Variants in BAZ2B observed in about 807,000 individuals in gnomAD.
BAZ2B encodes the protein bromodomain adjacent to zinc finger domain 2B.
BAZ2B carries 91 observed loss-of-function variants against 246.0 expected under a neutral mutation model. The ratio of observed to expected loss-of-function variants is 0.37; its 90% CI spans 0.31 to 0.44. The LOEUF (loss-of-function observed/expected upper bound fraction) is 0.44, where lower values mean the gene tolerates loss of function less well. Among genes scored for constraint, BAZ2B ranks in the 20% least tolerant of loss-of-function variants. The probability of loss-of-function intolerance (pLI) is 1.00; values close to 1 mark genes in which losing one functional copy is unlikely to be tolerated. For missense variants in BAZ2B, 2,332 were observed against 2,533.7 expected (o/e 0.92, Z 1.71); for synonymous variants, 855 against 860.0 (o/e 0.99, Z 0.10).
At chr2:159,349,358 T>C (rs1442301830) in intron 28 of BAZ2B, 78 bp from the exon 29 acceptor site, 2 of 1,386,006 alleles carry the variant, frequency 1.4e-6, no homozygotes, top group African/African-American at 1.5e-5. Flanking sequence ...TATGAAATTA[T>C]TTTTCAAATT....
At chr2:159,565,273 T>G (rs2090269568) in intron 1 of BAZ2B, among the ~76,000 whole-genome samples, 1 of 152,136 alleles carries the variant, frequency 6.6e-6, no homozygotes, top group Non-Finnish European at 1.5e-5. Flanking sequence ...GATGAGGATA[T>G]GAAAGCAGCA....
At chr2:159,505,616 T>C (rs2082252216) in intron 2 of BAZ2B, among the ~76,000 whole-genome samples, 1 of 151,938 alleles carries the variant, frequency 6.6e-6, no homozygotes, top group Admixed American at 6.6e-5. Context: ...CAAACAAAAA[T>C]TTAAAAAGAA....
At chr2:159,687,386 C>T in the BAZ2B span, among the ~76,000 whole-genome samples, 82 of 152,292 alleles carry the variant, frequency 5.4e-4, no homozygotes, top group African/African-American at 1.9e-3. Flanking sequence ...CAATCCTTTC[C>T]CCAGACCTCT....
chr2:159,551,803 AT>A (rs1260173818), intron 2 of BAZ2B, among the ~76,000 whole-genome samples: 1 of 152,234 alleles, frequency 6.6e-6, no homozygotes, highest in Non-Finnish European at 1.5e-5. Context: ...AAATCATGTA[AT>A]TTTAGACAAG....
intron 1 of BAZ2B, among the ~76,000 whole-genome samples, chr2:159,561,085 G>A (rs1327772771): frequency 1.3e-5 from 2 of 152,100 alleles, no homozygotes; most frequent in East Asian, 3.9e-4. Flanking sequence ...CTATGATTTG[G>A]ATATGGTTTG....
At chr2:159,421,181 T>G (rs563563149) in intron 13 of BAZ2B, among the ~76,000 whole-genome samples, 3 of 152,066 alleles carry the variant, frequency 2.0e-5, no homozygotes, top group Admixed American at 1.3e-4. Flanking sequence ...TACATTTTTT[T>G]TTTTTTAATT....
At chr2:159,611,248 T>C (rs893111205) in intron 1 of BAZ2B, among the ~76,000 whole-genome samples, 15 of 151,860 alleles carry the variant, frequency 9.9e-5, no homozygotes, top group Non-Finnish European at 1.5e-4. Flanking sequence ...TCTCTAAAGA[T>C]AAACTAAGCA....
intron 6 of BAZ2B, among the ~76,000 whole-genome samples, chr2:159,439,480 T>C (rs905088398): frequency 4.0e-5 from 6 of 150,970 alleles, no homozygotes; most frequent in African/African-American, 1.5e-4. Context: ...CATATGACTG[T>C]TATTCTTCAA....
chr2:159,541,219 C>G (rs2151384246), intron 2 of BAZ2B, among the ~76,000 whole-genome samples: 1 of 151,958 alleles, frequency 6.6e-6, no homozygotes, highest in African/African-American at 2.4e-5. Context: ...AAACATACTT[C>G]AAACATTTCC....
chr2:159,617,472 A>AT (rs78643237), upstream of BAZ2B, among the ~76,000 whole-genome samples: 145 of 147,956 alleles, frequency 9.8e-4, no homozygotes, highest in Non-Finnish European at 1.4e-3. Context: ...GAAGATACGT[A>AT]TTTTTTTTTT....
chr2:159,639,594 A>G, the BAZ2B span, among the ~76,000 whole-genome samples: 1 of 152,168 alleles, frequency 6.6e-6, no homozygotes, highest in Non-Finnish European at 1.5e-5. Context: ...TTGTTTGTTT[A>G]TGCAAGCAGT....
At chr2:159,573,208 A>C (rs563826978) in intron 1 of BAZ2B, among the ~76,000 whole-genome samples, 1 of 152,322 alleles carries the variant, frequency 6.6e-6, no homozygotes, top group African/African-American at 2.4e-5. Context: ...TTGCCAAAAT[A>C]ATCTTGAAAA....
At chr2:159,532,158 A>G (rs1400834730) in intron 2 of BAZ2B, among the ~76,000 whole-genome samples, 1 of 152,202 alleles carries the variant, frequency 6.6e-6, no homozygotes, top group Non-Finnish European at 1.5e-5. Flanking sequence ...AATATTGATA[A>G]CATTTCTAGT....
intron 33 of BAZ2B, among the ~76,000 whole-genome samples, chr2:159,334,080 C>T (rs987754863): frequency 6.6e-6 from 1 of 152,048 alleles, no homozygotes; most frequent in Non-Finnish European, 1.5e-5. Flanking sequence ...ATGTATATCC[C>T]TGTAACAACA....
chr2:159,428,269 T>C, intron 12 of BAZ2B, 42 bp downstream of exon 12: 1 of 1,519,628 alleles, frequency 6.6e-7, no homozygotes, highest in African/African-American at 1.4e-5. Flanking sequence ...TGATCATGCT[T>C]AATAGGCACC....
chr2:159,565,501 A>G (rs1370660532), intron 1 of BAZ2B, among the ~76,000 whole-genome samples: 4 of 152,144 alleles, frequency 2.6e-5, no homozygotes, highest in Non-Finnish European at 5.9e-5. Flanking sequence ...GCTTAAGGCC[A>G]GGCGTGGTGG....
intron 2 of BAZ2B, among the ~76,000 whole-genome samples, chr2:159,545,439 A>C (rs559606380): frequency 1.3e-5 from 2 of 152,308 alleles, no homozygotes; most frequent in African/African-American, 4.8e-5. Flanking sequence ...AAGTGATCAA[A>C]ATCCTAGGAG....
At chr2:159,373,022 T>C in intron 27 of BAZ2B, 23 bp downstream of exon 27, 1 of 1,581,114 alleles carries the variant, frequency 6.3e-7, no homozygotes, top group Non-Finnish European at 8.6e-7. Flanking sequence ...TTTAACAATT[T>C]GTATCGGATT....
At chr2:159,527,116 G>A (rs906005232) in intron 2 of BAZ2B, among the ~76,000 whole-genome samples, 1 of 151,826 alleles carries the variant, frequency 6.6e-6, no homozygotes, top group Non-Finnish European at 1.5e-5. Flanking sequence ...GCTGTGTTGT[G>A]CAGGCTGGTC....
Sources: allele counts gnomAD v4.1 joint callset (sites outside exome capture counted in the v4.1 genomes callset), GRCh38; gene constraint gnomAD v4.1.1; transcripts MANE v1.5; gene names NCBI Gene and HGNC (gene_info 2026-07-23, HGNC 2026-07-21).